Variants in MAP2K5 observed in about 807,000 individuals in gnomAD.
The protein encoded by MAP2K5 is dual specificity mitogen-activated protein kinase kinase 5.
In MAP2K5, 49 loss-of-function variants were observed where a neutral mutation model predicts 83.1. The ratio of observed to expected loss-of-function variants is 0.59; its 90% CI spans 0.47 to 0.75. MAP2K5 has a LOEUF of 0.75. Ranked by LOEUF, MAP2K5 falls within the 30% of genes least tolerant of loss-of-function variation. MAP2K5 has a pLI of 0.00. For missense variants in MAP2K5, 457 were observed against 557.5 expected (o/e 0.82, Z 1.82); for synonymous variants, 202 against 191.8 (o/e 1.05, Z -0.44).
At position 67,563,307 on chromosome 15, in the gene MAP2K5, T is replaced by G. The variant is rs758602136; in HGVS notation, c.209T>G (p.Ile70Ser). 1 of 1,610,988 alleles carries G rather than the reference T, an allele frequency of 6.2e-7. No homozygotes were observed. Among genetic ancestry groups the G allele is most frequent in the Non-Finnish European group, 8.5e-7 (1 of 1,178,450 alleles). ...GATGAAGATGAAGATGGTGATCGAA[T>G]TACAGTGAGAAGTGATGAGGAAATG... ...FEYEDEDGDR[I>S]TVRSDEEMKA... Residue 70 changes from isoleucine to serine, a missense_variant, in exon 3 of 22, where the codon ATT becomes AGT. Physicochemically the swap from Ile to Ser is moderately radical, Grantham distance 142. This residue lies in a region of MAP2K5 where 234 missense variants were observed against 243.6 expected (regional missense o/e 0.96). Transcript: ENST00000178640. This position sits in a 1 kb window ranked among gnomAD's most constrained non-coding sequence, Gnocchi z 4.5.
At chr15:67,788,814 A>G (rs752260941) in intron 21 of MAP2K5, among the ~76,000 whole-genome samples, 1 of 151,990 alleles carries the variant, frequency 6.6e-6, no homozygotes, top group Non-Finnish European at 1.5e-5. Flanking sequence ...TCTCTACAAA[A>G]ACTTAAAAAC....
At chr15:67,558,924 T>C (rs989778238) in intron 2 of MAP2K5, among the ~76,000 whole-genome samples, 35 of 152,166 alleles carry the variant, frequency 2.3e-4, no homozygotes, top group African/African-American at 8.0e-4. Context: ...ACATAGTGGG[T>C]ACTTTTATTT....
rs2141315169 is a variant in MAP2K5 at position 67,779,260 on chromosome 15, T to G, written c.1242+6508T>G. 6.6e-6 allele frequency among the ~76,000 whole-genome samples: 1 copy of G among 152,326 alleles called. No individual in the cohort carries two copies. The highest frequency in any genetic ancestry group is 2.4e-5 in the African/African-American group (1 of 41,570). ...ATTAAAATCATCTGTTTGTGTCTGC[T>G]TATAAAGAGGAACCCACTAGTAAAG... On this transcript the variant is annotated intron_variant, in intron 21 of 21. Coordinates refer to ENST00000178640, the MANE Select transcript of MAP2K5 (RefSeq NM_145160.3). The surrounding 1 kb of genome is among the most constrained non-coding windows in gnomAD (Gnocchi z 4.6).
chr15:67,791,109 T>C (rs1051700489), intron 21 of MAP2K5, among the ~76,000 whole-genome samples: 6 of 152,210 alleles, frequency 3.9e-5, no homozygotes, highest in African/African-American at 1.4e-4. Context: ...GCATCTTCTT[T>C]TCAAATGCAC....
intron 12 of MAP2K5, among the ~76,000 whole-genome samples, chr15:67,664,039 A>G (rs1311373561): frequency 6.6e-6 from 1 of 152,196 alleles, no homozygotes; most frequent in Admixed American, 6.5e-5. Flanking sequence ...ATTATTTTAT[A>G]TACACATGCA....
rs2089690406 is a variant in MAP2K5, at chr15:67,750,306, GA to G, written c.1134+1708del. Among the ~76,000 whole-genome samples, 1 of 152,168 alleles carries G rather than the reference GA, an allele frequency of 6.6e-6. No homozygotes were observed. Among genetic ancestry groups the G allele is most frequent in the Non-Finnish European group, 1.5e-5 (1 of 68,032 alleles). On this transcript the variant is annotated intron_variant, in intron 19 of 21. Transcript: ENST00000178640. The surrounding 1 kb of genome is among the most constrained non-coding windows in gnomAD (Gnocchi z 4.2). ...AACCATCTTCCTTGTGGAAACTTGGGAAATGAACATTGCCTTTGCTAAAACC... is the reference window on the plus strand; with the variant it reads ...AACCATCTTCCTTGTGGAAACTTGGGAATGAACATTGCCTTTGCTAAAACC...
Position 67,736,266 on chromosome 15 carries a change from G to T in MAP2K5, c.1074+8321G>T, listed in dbSNP as rs964734207. On this transcript the variant is annotated intron_variant, in intron 17 of 21. Transcript: ENST00000178640. The surrounding 1 kb of genome is among the most constrained non-coding windows in gnomAD (Gnocchi z 4.3). ...GGCTGATCTGAGGTTGGAAGTCATT[G>T]CATTTTAAGGTCTCTGCCCTTGAGG... Among the ~76,000 whole-genome samples, 1 of 152,234 alleles carries T rather than the reference G, an allele frequency of 6.6e-6. No homozygotes were observed. The highest frequency in any genetic ancestry group is 2.4e-5 in the African/African-American group (1 of 41,464).
At chr15:67,583,888 A>G (rs935948249) in intron 4 of MAP2K5, among the ~76,000 whole-genome samples, 14 of 151,988 alleles carry the variant, frequency 9.2e-5, no homozygotes, top group Admixed American at 5.2e-4. Context: ...CTGGGGCTAC[A>G]GGCATGTGCC....
intron 20 of MAP2K5, among the ~76,000 whole-genome samples, chr15:67,771,255 G>T (rs1457735588): frequency 6.6e-6 from 1 of 152,016 alleles, no homozygotes; most frequent in Non-Finnish European, 1.5e-5. Context: ...CACAAACCAT[G>T]CGATTCCTCT....
intron 15 of MAP2K5, among the ~76,000 whole-genome samples, chr15:67,694,115 T>C (rs899590834): frequency 1.1e-4 from 17 of 152,278 alleles, no homozygotes; most frequent in African/African-American, 4.1e-4. Context: ...TGAAATAAAC[T>C]TACCAACAAT....
intron 8 of MAP2K5, among the ~76,000 whole-genome samples, chr15:67,615,902 G>T (rs916984864): frequency 6.6e-6 from 1 of 152,016 alleles, no homozygotes; most frequent in Non-Finnish European, 1.5e-5. Context: ...TTTTGTATTG[G>T]CTTCAGAGTT....
chr15:67,798,058 T>A (rs980879372), intron 21 of MAP2K5, among the ~76,000 whole-genome samples: 24 of 152,162 alleles, frequency 1.6e-4, no homozygotes, highest in African/African-American at 4.8e-4. Flanking sequence ...ATTGTGTCTT[T>A]AAACCTCCAT....
At chr15:67,571,177 C>T (rs1304910273) in intron 3 of MAP2K5, among the ~76,000 whole-genome samples, 1 of 152,154 alleles carries the variant, frequency 6.6e-6, no homozygotes, top group African/African-American at 2.4e-5. Context: ...AAGGCATAGT[C>T]CTTTTTGAAA....
chr15:67,611,616 C>T (rs2085926747), intron 8 of MAP2K5, among the ~76,000 whole-genome samples: 1 of 152,162 alleles, frequency 6.6e-6, no homozygotes, highest in African/African-American at 2.4e-5. Context: ...GCTGAGCACA[C>T]TAGGTATCGT....
rs2090302181 is a variant in MAP2K5, at chr15:67,779,989, C to A, written c.1242+7237C>A. Among the ~76,000 whole-genome samples, 1 of 152,206 alleles carries A rather than the reference C, an allele frequency of 6.6e-6. No homozygotes were observed. Among genetic ancestry groups the A allele is most frequent in the Admixed American group, 6.5e-5 (1 of 15,286 alleles). ...CCCTCAGCCTAAAAGAGCCTCCTCT[C>A]CCCTCCCCTGGAAGGTCTTGGTCCT... On this transcript the variant is annotated intron_variant, in intron 21 of 21. Transcript: ENST00000178640. The surrounding 1 kb of genome is among the most constrained non-coding windows in gnomAD (Gnocchi z 4.6).
At chr15:67,670,556 G>A in intron 13 of MAP2K5, 1 of 407,094 alleles carries the variant, frequency 2.5e-6, no homozygotes, top group Non-Finnish European at 4.9e-6. Flanking sequence ...TAGCAGTGCA[G>A]TAGACACTCT....
At position 67,577,754 on chromosome 15, in the gene MAP2K5, A is replaced by G. The variant is rs542810613; in HGVS notation, c.253-3000A>G. 7.2e-5 allele frequency among the ~76,000 whole-genome samples: 11 copies of G among 152,296 alleles called. No individual in the cohort carries two copies. The East Asian group carries it at 2.1e-3, about 29-fold the overall frequency. ...AGTGGCTCACGCCTGTAATCCCAGCACTTTGGGAGGCCAAGGCAGGTGGAT... is the reference window on the plus strand; with the variant it reads ...AGTGGCTCACGCCTGTAATCCCAGCGCTTTGGGAGGCCAAGGCAGGTGGAT... On this transcript the variant is annotated intron_variant, in intron 3 of 21. Coordinates refer to ENST00000178640, the MANE Select transcript of MAP2K5 (RefSeq NM_145160.3). This position sits in a 1 kb window ranked among gnomAD's most constrained non-coding sequence, Gnocchi z 4.1.
At chr15:67,693,590 T>C (rs759893246) in intron 15 of MAP2K5, 22 bp downstream of exon 15, 5 of 1,571,890 alleles carry the variant, frequency 3.2e-6, no homozygotes, top group Non-Finnish European at 3.5e-6. Context: ...TATGCAAAAA[T>C]AATGTTTAAA....
intron 19 of MAP2K5, among the ~76,000 whole-genome samples, chr15:67,762,223 T>C (rs915802181): frequency 6.6e-6 from 1 of 152,146 alleles, no homozygotes; most frequent in African/African-American, 2.4e-5. Flanking sequence ...GTAAATGAAA[T>C]CCCTTCGGTA....
Sources: gnomAD v4.1 joint callset for allele counts (sites outside exome capture counted in the v4.1 genomes callset) on GRCh38, gnomAD v4.1.1 for gene constraint, gnomAD v4.1.1 regional missense constraint, Gnocchi (gnomAD v3.1) non-coding constraint, MANE v1.5 for transcripts, NCBI Gene and HGNC (gene_info 2026-07-23, HGNC 2026-07-21) for gene names.